NTN4: variants seen among roughly 807,000 people sequenced by gnomAD.
NTN4 encodes netrin 4.
NTN4 carries 32 observed loss-of-function variants against 73.6 expected under a neutral mutation model. The ratio of observed to expected loss-of-function variants is 0.44; its 90% CI spans 0.33 to 0.58. The LOEUF (loss-of-function observed/expected upper bound fraction) is 0.58. Among genes scored for constraint, NTN4 ranks in the 20% least tolerant of loss-of-function variants. The pLI, the probability that NTN4 is intolerant of heterozygous loss-of-function variation, is 0.04. For synonymous variants in NTN4, 258 were observed against 287.5 expected (o/e 0.90, Z 1.04); for missense variants, 654 against 798.3 (o/e 0.82, Z 2.18).
chr12:95,700,290 A>G (rs1239594684), intron 5 of NTN4, among the ~76,000 whole-genome samples: 1 of 151,680 alleles, frequency 6.6e-6, no homozygotes, highest in East Asian at 1.9e-4. Context: ...AAGAGAGCTT[A>G]TGCTAGAGAC....
At chr12:95,740,615 T>G (rs769990225) in intron 2 of NTN4, among the ~76,000 whole-genome samples, 2 of 152,220 alleles carry the variant, frequency 1.3e-5, no homozygotes, top group Non-Finnish European at 2.9e-5. Context: ...GTTAATATTA[T>G]GCTCATTACA....
intron 8 of NTN4, among the ~76,000 whole-genome samples, chr12:95,668,853 T>C (rs1398782585): frequency 6.6e-6 from 1 of 152,168 alleles, no homozygotes; most frequent in Non-Finnish European, 1.5e-5. Context: ...AGGTCAGGCG[T>C]GGTGGCTCAC....
At chr12:95,776,873 G>T (rs1339923224) in intron 2 of NTN4, among the ~76,000 whole-genome samples, 2 of 152,036 alleles carry the variant, frequency 1.3e-5, no homozygotes, top group African/African-American at 2.4e-5. Flanking sequence ...ATTCCCCAAA[G>T]TTGAAATGAA....
chr12:95,751,733 C>T (rs536449732), intron 2 of NTN4, among the ~76,000 whole-genome samples: 7 of 151,814 alleles, frequency 4.6e-5, no homozygotes, highest in African/African-American at 1.7e-4. Flanking sequence ...AAGGTAAGGC[C>T]GTCCCCTTCT....
intron 5 of NTN4, among the ~76,000 whole-genome samples, chr12:95,686,472 C>A (rs1373284408): frequency 6.6e-6 from 1 of 151,946 alleles, no homozygotes; most frequent in Non-Finnish European, 1.5e-5. Flanking sequence ...AAAAGGAGGG[C>A]AAGGGGCTGG....
intron 3 of NTN4, among the ~76,000 whole-genome samples, chr12:95,726,988 T>G (rs558964784): frequency 0.013 from 1,909 of 152,084 alleles, 29 homozygotes; most frequent in African/African-American, 0.038. Context: ...AAAATTTTTT[T>G]GGGGAAAATG....
At chr12:95,766,398 T>C (rs10859938) in intron 2 of NTN4, among the ~76,000 whole-genome samples, 83,909 of 152,184 alleles carry the variant, frequency 0.55, 23,362 homozygotes, top group Middle Eastern at 0.61. Context: ...AAATCCTCTC[T>C]GTACCTTTTC....
intron 2 of NTN4, among the ~76,000 whole-genome samples, chr12:95,762,285 CCAAA>C (rs2078994272): frequency 6.6e-6 from 1 of 152,166 alleles, no homozygotes; most frequent in Non-Finnish European, 1.5e-5. Flanking sequence ...ATCCTGGCTA[CCAAA>C]CAGACTTCAA....
intron 5 of NTN4, among the ~76,000 whole-genome samples, chr12:95,694,552 T>C (rs1001936469): frequency 6.6e-6 from 1 of 152,208 alleles, no homozygotes; most frequent in Non-Finnish European, 1.5e-5. Flanking sequence ...CTGTTATACA[T>C]AAATAGAGTG....
chr12:95,790,929 G>GGT (rs1555222871), upstream of NTN4, among the ~76,000 whole-genome samples: 7 of 24,640 alleles, frequency 2.8e-4, no homozygotes, highest in African/African-American at 1.2e-3. This position sits in a 1 kb window ranked among gnomAD's most constrained non-coding sequence, Gnocchi z 6.5. Context: ...GCTGCCGCCC[G>GGT]GGGGGGGGGT....
chr12:95,739,406 G>A (rs1199353091), intron 2 of NTN4, among the ~76,000 whole-genome samples: 2 of 152,150 alleles, frequency 1.3e-5, no homozygotes, highest in Admixed American at 1.3e-4. Context: ...TTATCCACAT[G>A]CAAAGTGGTG....
At position 95,713,334 on chromosome 12, in the gene NTN4, T is replaced by G; in HGVS notation, c.869A>C (p.His290Pro). 1.3e-6 allele frequency: 2 copies of G among 1,591,304 alleles called. No homozygotes were observed. The highest frequency in any genetic ancestry group is 2.2e-5 in the South Asian group (2 of 89,040). Residue 290 changes from histidine (H) to proline (P), a missense_variant, in exon 4 of 10, where the codon CAT (histidine) becomes CCT (proline). Coordinates refer to ENST00000343702, the MANE Select transcript of NTN4 (RefSeq NM_021229.4). ...GTTGTGCTTACACATACACTTCCCA[T>G]GGACCTACAAGCAACATCAAGTGAG... ...VKAPGTFHMV[H>P]GKCMCKHNTA...
At chr12:95,737,752 G>T in intron 3 of NTN4, 114 bp downstream of exon 3, 1 of 980,434 alleles carries the variant, frequency 1.0e-6, no homozygotes, top group Non-Finnish European at 1.5e-6. Flanking sequence ...AGTCGGAGCT[G>T]TGATGGGCAG....
chr12:95,672,129 T>A, intron 7 of NTN4: 1 of 396,550 alleles, frequency 2.5e-6, no homozygotes, highest in Non-Finnish European at 4.8e-6. Flanking sequence ...AAGACCAGGC[T>A]AGGTAACGTA....
At position 95,787,365 on chromosome 12, in the gene NTN4, G is replaced by T; in HGVS notation, c.159C>A (p.Cys53Ter). Residue 53 changes from cysteine (C) to a stop codon, truncating the protein, a stop_gained, in exon 2 of 10, where the codon TGC (cysteine) becomes TGA (stop). Coordinates refer to ENST00000343702, the MANE Select transcript of NTN4 (RefSeq NM_021229.4). LOFTEE classifies it high-confidence loss of function. ...LGRKLWADTT[C>*]GQNATELYCF... ...AGTACAGTTCGGTAGCATTCTGACC[G>T]CAGGTGGTGTCTGCCCAGAGTTTTC... 6.2e-7 allele frequency: 1 copy of T among 1,614,188 alleles called. No individual in the cohort carries two copies. The highest frequency in any genetic ancestry group is 8.5e-7 in the Non-Finnish European group (1 of 1,180,034).
At chr12:95,738,913 C>T (rs551917415) in intron 2 of NTN4, among the ~76,000 whole-genome samples, 1 of 152,232 alleles carries the variant, frequency 6.6e-6, no homozygotes, top group Admixed American at 6.5e-5. Flanking sequence ...GAGATTGGAT[C>T]GTGTCACTCC....
intron 2 of NTN4, among the ~76,000 whole-genome samples, chr12:95,741,485 C>A (rs2078826480): frequency 9.0e-6 from 1 of 111,342 alleles, no homozygotes; most frequent in Non-Finnish European, 1.7e-5. Context: ...CTCCTCCATG[C>A]CAACCTGGAG....
intron 2 of NTN4, among the ~76,000 whole-genome samples, chr12:95,778,229 C>A (rs2079108124): frequency 1.3e-5 from 2 of 152,126 alleles, no homozygotes; most frequent in East Asian, 1.9e-4. Flanking sequence ...AAAATTGACA[C>A]CCTAACATCA....
intron 2 of NTN4, among the ~76,000 whole-genome samples, chr12:95,752,027 T>C (rs957315811): frequency 1.1e-4 from 17 of 151,410 alleles, no homozygotes; most frequent in African/African-American, 1.9e-4. Context: ...AATCCAAAGC[T>C]TCCTTTGCGT....
Sources: allele counts gnomAD v4.1 joint callset (sites outside exome capture counted in the v4.1 genomes callset), GRCh38; gene constraint gnomAD v4.1.1; non-coding constraint Gnocchi (gnomAD v3.1); transcripts MANE v1.5; gene names NCBI Gene and HGNC (gene_info 2026-07-23, HGNC 2026-07-21).